Variants in TACR3 observed in about 807,000 individuals in gnomAD.
TACR3 encodes the protein tachykinin receptor 3.
Under a neutral mutation model 35.0 loss-of-function variants are expected in TACR3, and 34 were observed. The observed-to-expected ratio is 0.97, with a 90% CI of 0.74 to 1.30. TACR3 has a LOEUF of 1.30. TACR3 is among the 50% of genes most tolerant of loss of function. The pLI is 0.00. For missense variants in TACR3, 558 were observed against 591.7 expected (o/e 0.94, Z 0.59); for synonymous variants, 233 against 221.1 (o/e 1.05, Z -0.48).
chr4:103,655,550 A>T (rs1444936804), intron 3 of TACR3, among the ~76,000 whole-genome samples: 2 of 152,122 alleles, frequency 1.3e-5, no homozygotes, highest in Non-Finnish European at 2.9e-5. Flanking sequence ...CAATAAAATA[A>T]TCCTAGTAAA....
At chr4:103,674,259 T>A (rs1726119089) in intron 1 of TACR3, among the ~76,000 whole-genome samples, 1 of 151,728 alleles carries the variant, frequency 6.6e-6, no homozygotes, top group South Asian at 2.1e-4. Flanking sequence ...GAAAAATGAC[T>A]CACAGCTAGC....
intron 3 of TACR3, among the ~76,000 whole-genome samples, chr4:103,613,028 T>C (rs1724546588): frequency 6.6e-6 from 1 of 152,130 alleles, no homozygotes; most frequent in Non-Finnish European, 1.5e-5. Flanking sequence ...TGTTATAAAG[T>C]TTCCCTTTAG....
At chr4:103,691,802 A>T (rs765531844) in intron 1 of TACR3, among the ~76,000 whole-genome samples, 2 of 152,222 alleles carry the variant, frequency 1.3e-5, no homozygotes, top group Non-Finnish European at 2.9e-5. Context: ...CCTTAAGGAC[A>T]TGCTCCTGCT....
rs555714849 is a variant in TACR3, at chr4:103,708,188, C to T, written c.548+10940G>A. Among the ~76,000 whole-genome samples, 43 of 152,294 alleles carry T rather than the reference C, an allele frequency of 2.8e-4. No individual in the cohort carries two copies. The South Asian group carries it at 7.0e-3, about 25-fold the overall frequency. On this transcript the variant is annotated intron_variant, in intron 1 of 4. Transcript: ENST00000304883. ...CAGCAGGGAGTTTGAGATCTGAGCACGGACAGACTGCCTCCTTAAGTGGGT... is the reference window on the plus strand; with the variant it reads ...CAGCAGGGAGTTTGAGATCTGAGCATGGACAGACTGCCTCCTTAAGTGGGT...
intron 1 of TACR3, among the ~76,000 whole-genome samples, chr4:103,684,081 C>G (rs1219973133): frequency 6.6e-6 from 1 of 151,994 alleles, no homozygotes; most frequent in African/African-American, 2.4e-5. Context: ...TGTCCTAAAT[C>G]TGATACAGAG....
chr4:103,601,162 T>G (rs1724190355), intron 3 of TACR3, among the ~76,000 whole-genome samples: 1 of 152,152 alleles, frequency 6.6e-6, no homozygotes, highest in Admixed American at 6.5e-5. Context: ...GTATATATAT[T>G]TAGGATAGTT....
At chr4:103,654,297 CA>C (rs1236570530) in intron 3 of TACR3, among the ~76,000 whole-genome samples, 1 of 151,324 alleles carries the variant, frequency 6.6e-6, no homozygotes, top group African/African-American at 2.4e-5. Flanking sequence ...GGAACCAACC[CA>C]AATGTCCAAC....
chr4:103,656,421 A>T (rs955571544), intron 2 of TACR3, 77 bp from the exon 3 acceptor site: 30 of 1,397,286 alleles, frequency 2.1e-5, no homozygotes, highest in Middle Eastern at 4.8e-4. Flanking sequence ...CTCAGCTTTA[A>T]ATCATAATTA....
chr4:103,642,325 AATT>A (rs1227143136), intron 3 of TACR3, among the ~76,000 whole-genome samples: 2 of 149,910 alleles, frequency 1.3e-5, no homozygotes, highest in Admixed American at 6.7e-5. Flanking sequence ...AAGAGAATAC[AATT>A]ATTATTTGTC....
At chr4:103,606,744 A>G (rs559958880) in intron 3 of TACR3, among the ~76,000 whole-genome samples, 243 of 152,168 alleles carry the variant, frequency 1.6e-3, no homozygotes, top group African/African-American at 5.5e-3. Flanking sequence ...GGTTTTCTAG[A>G]TATACAATCA....
chr4:103,623,167 T>C (rs3796979), intron 3 of TACR3, among the ~76,000 whole-genome samples: 36,352 of 151,962 alleles, frequency 0.24, 4,658 homozygotes, highest in Middle Eastern at 0.32. Flanking sequence ...TATTTAAATC[T>C]TCCTGTGAAG....
intron 1 of TACR3, among the ~76,000 whole-genome samples, chr4:103,689,279 T>G: frequency 6.8e-6 from 1 of 147,922 alleles, no homozygotes; most frequent in Non-Finnish European, 1.5e-5. Flanking sequence ...CGGGATAGCA[T>G]TGGGAGATAT....
chr4:103,686,873 G>A (rs1722254882), intron 1 of TACR3, among the ~76,000 whole-genome samples: 1 of 152,032 alleles, frequency 6.6e-6, no homozygotes, highest in South Asian at 2.1e-4. Flanking sequence ...AGAAAAAGAG[G>A]GAATCCTCCC....
intron 3 of TACR3, among the ~76,000 whole-genome samples, chr4:103,628,303 A>T (rs1269560925): frequency 1.3e-5 from 2 of 152,202 alleles, no homozygotes; most frequent in African/African-American, 4.8e-5. Flanking sequence ...ATCAGAGCAG[A>T]CCTGAAGGAG....
intron 1 of TACR3, among the ~76,000 whole-genome samples, chr4:103,712,287 T>A (rs1578269325): frequency 6.6e-6 from 1 of 151,790 alleles, no homozygotes; most frequent in African/African-American, 2.4e-5. Flanking sequence ...TACATACCAA[T>A]GGAACAGAAC....
Position 103,591,275 on chromosome 4 carries a change from C to T in TACR3, c.1085+212G>A. On this transcript the variant is annotated intron_variant, in intron 4 of 4. Coordinates refer to ENST00000304883, the MANE Select transcript of TACR3 (RefSeq NM_001059.3). ...AATCATCCAGTTAGAACCCCAAGAT[C>T]ATTATTTGGGGCATCTAATTATTAA... The T allele has an allele frequency of 5.0e-6, 3 of 598,354 alleles. No individual in the cohort carries two copies. In the South Asian group the frequency reaches 6.1e-5, roughly 12 times the overall value. The allele number at this position is 598,354 out of a possible 1,614,324, so 37.1% of individuals were successfully genotyped here. A position where few individuals can be genotyped will look rare whatever the true frequency, so the allele number is the denominator to read the frequency against.
chr4:103,607,817 C>A (rs908790802), intron 3 of TACR3, among the ~76,000 whole-genome samples: 2 of 152,140 alleles, frequency 1.3e-5, no homozygotes, highest in South Asian at 2.1e-4. Context: ...GAAAGGATAT[C>A]AGGAACAAGC....
chr4:103,713,743 AAAG>A (rs1723024775), intron 1 of TACR3, among the ~76,000 whole-genome samples: 2 of 152,308 alleles, frequency 1.3e-5, no homozygotes, highest in Middle Eastern at 3.4e-3. Flanking sequence ...GACAGGAAAT[AAAG>A]AAGAAGAAAA....
chr4:103,706,847 G>T (rs536818754), intron 1 of TACR3, among the ~76,000 whole-genome samples: 1 of 152,280 alleles, frequency 6.6e-6, no homozygotes, highest in African/African-American at 2.4e-5. Context: ...GGATAAAATC[G>T]ATTCCAAGAG....
Sources: gnomAD v4.1 joint callset for allele counts (sites outside exome capture counted in the v4.1 genomes callset) on GRCh38, gnomAD v4.1.1 for gene constraint, MANE v1.5 for transcripts, NCBI Gene and HGNC (gene_info 2026-07-23, HGNC 2026-07-21) for gene names.